The following CDK15 variants were observed in gnomAD, a reference collection of about 807,000 sequenced individuals.
The protein encoded by CDK15 is cyclin-dependent kinase 15.
CDK15 carries 62 observed loss-of-function variants against 60.3 expected under a neutral mutation model. That is an observed-to-expected ratio of 1.03 (90% CI 0.84 to 1.27). CDK15 has a LOEUF of 1.27. CDK15 is among the 50% of genes most tolerant of loss of function. CDK15 has a pLI of 0.00. For synonymous variants in CDK15, 194 were observed against 195.7 expected (o/e 0.99, Z 0.07); for missense variants, 541 against 527.8 (o/e 1.03, Z -0.25).
intron 9 of CDK15, among the ~76,000 whole-genome samples, chr2:201,851,692 C>T (rs1212011930): frequency 1.3e-5 from 2 of 152,058 alleles, no homozygotes; most frequent in Non-Finnish European, 2.9e-5. Flanking sequence ...CCGAGTCTCA[C>T]TCTGTTGCCC....
At chr2:201,877,635 A>G (rs1699128519) in intron 11 of CDK15, among the ~76,000 whole-genome samples, 1 of 152,072 alleles carries the variant, frequency 6.6e-6, no homozygotes, top group African/African-American at 2.4e-5. Flanking sequence ...CGTCCATTTC[A>G]TGGGCCCTAA....
At chr2:201,881,912 C>T (rs1439992035) in intron 12 of CDK15, among the ~76,000 whole-genome samples, 1 of 152,190 alleles carries the variant, frequency 6.6e-6, no homozygotes, top group African/African-American at 2.4e-5. Flanking sequence ...CACACACACA[C>T]ACACTCCCTT....
chr2:201,821,716 G>T (rs996915071), intron 4 of CDK15, among the ~76,000 whole-genome samples: 1 of 152,070 alleles, frequency 6.6e-6, no homozygotes, highest in Non-Finnish European at 1.5e-5. Flanking sequence ...TGTCACCCAG[G>T]CCAGAGTGCA....
intron 6 of CDK15, chr2:201,824,871 C>T (rs965887430): frequency 1.2e-5 from 7 of 599,986 alleles, no homozygotes; most frequent in African/African-American, 2.0e-5. Flanking sequence ...CCCCTTCCCC[C>T]ATACTTGATG....
chr2:201,825,641 C>T (rs1007571393), intron 6 of CDK15, among the ~76,000 whole-genome samples: 1 of 151,952 alleles, frequency 6.6e-6, no homozygotes, highest in Non-Finnish European at 1.5e-5. Flanking sequence ...TGCACCATCG[C>T]GGGACTTTTT....
At chr2:201,842,168 G>A (rs1356054752) in intron 8 of CDK15, among the ~76,000 whole-genome samples, 8 of 152,050 alleles carry the variant, frequency 5.3e-5, no homozygotes, top group Admixed American at 2.6e-4. Flanking sequence ...CTCAGTCCCT[G>A]GTAACCACGA....
chr2:201,812,182 A>C (rs1243944547), intron 3 of CDK15, among the ~76,000 whole-genome samples: 29 of 150,366 alleles, frequency 1.9e-4, no homozygotes, highest in South Asian at 8.3e-4. Context: ...TCAAAAAAAA[A>C]AAAAAAAAAC....
chr2:201,820,678 C>A (rs1170754440), intron 4 of CDK15, among the ~76,000 whole-genome samples: 1 of 152,100 alleles, frequency 6.6e-6, no homozygotes, highest in Non-Finnish European at 1.5e-5. Context: ...TGCTTACTCT[C>A]GGCTGAGTGT....
chr2:201,822,010 T>G (rs530954590), intron 4 of CDK15, among the ~76,000 whole-genome samples: 4 of 152,274 alleles, frequency 2.6e-5, no homozygotes, highest in East Asian at 1.9e-4. Flanking sequence ...CCTTTTCTAG[T>G]CTCTGCTTTC....
rs1411287538 is a variant in CDK15 at position 201,823,740 on chromosome 2, AG to A, written c.606+16del. On this transcript the variant is annotated intron_variant, in intron 6 of 13. Coordinates refer to ENST00000652192, the MANE Select transcript of CDK15 (RefSeq NM_001366386.2). ...TCATAATGTCAGAGTGAGTACGTTA[AG>A]GGTCAGGACCCTCTCCTGGCTTGCC... The A allele has an allele frequency of 1.9e-6, 3 of 1,612,494 alleles. No individual in the cohort carries two copies. Among genetic ancestry groups the A allele is most frequent in the Non-Finnish European group, 2.5e-6 (3 of 1,178,806 alleles).
chr2:201,821,039 G>A (rs1465321533), intron 4 of CDK15, among the ~76,000 whole-genome samples: 3 of 152,112 alleles, frequency 2.0e-5, no homozygotes, highest in East Asian at 1.9e-4. Context: ...TCAGGAAGCC[G>A]TGTCTCTCAT....
At chr2:201,858,968 GCTAA>G (rs1260777585) in intron 10 of CDK15, among the ~76,000 whole-genome samples, 1 of 152,068 alleles carries the variant, frequency 6.6e-6, no homozygotes, top group African/African-American at 2.4e-5. Flanking sequence ...CTTTTCACAT[GCTAA>G]CTGAGGCGCC....
intron 10 of CDK15, chr2:201,860,862 G>T: frequency 7.4e-7 from 1 of 1,351,984 alleles, no homozygotes; most frequent in Non-Finnish European, 9.8e-7. Flanking sequence ...GCTTCACTGC[G>T]TCTGAAACCA....
At chr2:201,834,478 C>T (rs193599) in intron 7 of CDK15, among the ~76,000 whole-genome samples, 15,777 of 152,190 alleles carry the variant, frequency 0.1, 922 homozygotes, top group African/African-American at 0.15. Flanking sequence ...CTAAGTATCA[C>T]TGTATCCTTC....
At chr2:201,850,063 T>TCCGC (rs1353341559) in intron 9 of CDK15, among the ~76,000 whole-genome samples, 2 of 152,184 alleles carry the variant, frequency 1.3e-5, no homozygotes, top group Admixed American at 6.5e-5. Flanking sequence ...GACCTCGTGA[T>TCCGC]CCACCCGCTT....
intron 13 of CDK15, among the ~76,000 whole-genome samples, chr2:201,892,383 T>C (rs1052446059): frequency 3.9e-5 from 6 of 152,342 alleles, no homozygotes; most frequent in African/African-American, 1.4e-4. Flanking sequence ...ATTAACATTA[T>C]TATTATTTCT....
chr2:201,822,814 C>G lies in CDK15; in HGVS notation c.454C>G (p.Leu152Val), dbSNP rs757611284. ...VPFTAIREASLLKGLKHANIV... is the reference protein window; with the variant it reads ...VPFTAIREASVLKGLKHANIV... Reference sequence around the variant, plus strand: ...ATTTTGTTTAATTTTTCTAGCTTCTCTCCTGAAGGGTTTGAAACATGCCAA... The same window carrying G: ...ATTTTGTTTAATTTTTCTAGCTTCTGTCCTGAAGGGTTTGAAACATGCCAA... The change falls in exon 5 of 14, where the codon CTC becomes GTC. Residue 152 changes from leucine to valine, a missense_variant. Transcript: ENST00000652192. The G allele has an allele frequency of 1.4e-5, 22 of 1,600,742 alleles. No individual in the cohort carries two copies. Among genetic ancestry groups the G allele is most frequent in the Non-Finnish European group, 1.7e-5 (20 of 1,168,250 alleles).
intron 10 of CDK15, among the ~76,000 whole-genome samples, chr2:201,866,974 T>TA (rs1215167988): frequency 1.3e-5 from 2 of 152,158 alleles, no homozygotes; most frequent in East Asian, 3.9e-4. Flanking sequence ...ACAATCCTTC[T>TA]ACCCCAAACA....
rs539138653 is a variant in CDK15, at chr2:201,873,225, T to C, written c.1058+899T>C. Among the ~76,000 whole-genome samples, 9 of 152,190 alleles carry C rather than the reference T, an allele frequency of 5.9e-5. No individual in the cohort carries two copies. The South Asian group carries it at 1.7e-3, about 28-fold the overall frequency. On this transcript the variant is annotated intron_variant, in intron 11 of 13. Coordinates refer to ENST00000652192, the MANE Select transcript of CDK15 (RefSeq NM_001366386.2). ...ATCAGGGTACAAAGAGTAAAATAGGTTAGGAACATAGAACTATGGACTACC... is the reference window on the plus strand; with the variant it reads ...ATCAGGGTACAAAGAGTAAAATAGGCTAGGAACATAGAACTATGGACTACC...
Sources: gnomAD v4.1 joint callset for allele counts (sites outside exome capture counted in the v4.1 genomes callset) on GRCh38, gnomAD v4.1.1 for gene constraint, MANE v1.5 for transcripts, NCBI Gene and HGNC (gene_info 2026-07-23, HGNC 2026-07-21) for gene names.